Variants in ITGB3BP observed in about 807,000 individuals in gnomAD.
ITGB3BP encodes centromere protein R.
In ITGB3BP, 27 loss-of-function variants were observed where a neutral mutation model predicts 29.1. The observed-to-expected ratio is 0.93, with a 90% CI of 0.68 to 1.28. ITGB3BP has a LOEUF of 1.28. Ranked by LOEUF, ITGB3BP falls within the 50% of genes most tolerant of loss-of-function variation. The pLI, the probability that ITGB3BP is intolerant of heterozygous loss-of-function variation, is 0.00. For missense variants in ITGB3BP, 192 were observed against 200.2 expected, an observed-to-expected ratio of 0.96 and a Z score of 0.25; for synonymous variants, 61 against 61.4, an observed-to-expected ratio of 0.99 and a Z score of 0.03.
rs2100472424 is a variant in ITGB3BP at position 63,446,855 on chromosome 1, T to C, written c.486A>G (p.Ala162=). 4.4e-6 allele frequency: 7 copies of C among 1,608,744 alleles called. No individual in the cohort carries two copies. Among genetic ancestry groups the C allele is most frequent in the Non-Finnish European group, 6.0e-6 (7 of 1,176,198 alleles). ...FEKSTGLPHK[A]SRHLDSYEFL... ...ATTCATAGCTGTCAAGATGACGTGA[T>C]GCTATATGAAAGAAGAAAGGTTTTT... The change falls in exon 8 of 9, where the codon GCA becomes GCG. Residue 162 remains alanine (A), a splice_region_variant and synonymous_variant. Transcript: ENST00000271002.
At chr1:63,520,516 A>C (rs923830033) in intron 1 of ITGB3BP, among the ~76,000 whole-genome samples, 2 of 152,180 alleles carry the variant, frequency 1.3e-5, no homozygotes, top group African/African-American at 4.8e-5. Context: ...CCTCCAAAGG[A>C]TCAAAGAGAA....
At chr1:63,456,823 C>G (rs777094668) in intron 4 of ITGB3BP, among the ~76,000 whole-genome samples, 1 of 152,086 alleles carries the variant, frequency 6.6e-6, no homozygotes. Flanking sequence ...GTAAATGGTG[C>G]CCCCCAAAGT....
At chr1:63,485,388 C>T (rs1305369203) in intron 3 of ITGB3BP, among the ~76,000 whole-genome samples, 1 of 151,730 alleles carries the variant, frequency 6.6e-6, no homozygotes, top group East Asian at 1.9e-4. Flanking sequence ...TGCCTCCTCA[C>T]CTTCCATGAT....
intron 1 of ITGB3BP, among the ~76,000 whole-genome samples, chr1:63,512,817 T>C (rs986933481): frequency 4.6e-5 from 7 of 152,208 alleles, no homozygotes; most frequent in Non-Finnish European, 1.0e-4. Flanking sequence ...TTTAGAGTAT[T>C]ACTGAGTATG....
intron 2 of ITGB3BP, among the ~76,000 whole-genome samples, chr1:63,500,098 G>C (rs1415295798): frequency 6.6e-6 from 1 of 152,052 alleles, no homozygotes; most frequent in Non-Finnish European, 1.5e-5. Flanking sequence ...TAAGTAGGGC[G>C]GGGGGGCTGT....
intron 3 of ITGB3BP, among the ~76,000 whole-genome samples, chr1:63,479,519 T>C (rs1346687249): frequency 6.6e-6 from 1 of 152,144 alleles, no homozygotes; most frequent in Non-Finnish European, 1.5e-5. Context: ...TTAATTACAG[T>C]CAATTATACA....
At position 63,460,216 on chromosome 1, in the gene ITGB3BP, G is replaced by A. The variant is rs140459950; in HGVS notation, c.255-5248C>T. ...CAGTGACATTAATTACATTCACAAT[G>A]TTGTGCAACCATCACCACTATCTAT... is the stretch of plus-strand genomic sequence containing the variant. On this transcript the variant is annotated intron_variant, in intron 4 of 8. Coordinates refer to ENST00000271002, the MANE Select transcript of ITGB3BP (RefSeq NM_014288.5). Among the ~76,000 whole-genome samples, 588 of 152,244 alleles carry A rather than the reference G, an allele frequency of 3.9e-3. 3 individuals carry two copies. Among genetic ancestry groups the A allele is most frequent in the African/African-American group, 0.013 (526 of 41,550 alleles).
chr1:63,507,404 T>C (rs1646104632), intron 2 of ITGB3BP, among the ~76,000 whole-genome samples: 1 of 152,220 alleles, frequency 6.6e-6, no homozygotes, highest in African/African-American at 2.4e-5. Flanking sequence ...GACAATTTAC[T>C]TCATGAAGAG....
intron 1 of ITGB3BP, chr1:63,510,287 A>G: frequency 2.5e-6 from 1 of 396,344 alleles, no homozygotes; most frequent in Non-Finnish European, 4.5e-6. Flanking sequence ...ATGCAATAGT[A>G]TCTTTTAGAA....
intron 3 of ITGB3BP, among the ~76,000 whole-genome samples, chr1:63,479,421 C>T (rs1019170751): frequency 2.0e-5 from 3 of 152,048 alleles, no homozygotes; most frequent in Non-Finnish European, 4.4e-5. Context: ...GTTAACATAT[C>T]TATTACCTTA....
intron 2 of ITGB3BP, among the ~76,000 whole-genome samples, chr1:63,528,522 A>G (rs575433310): frequency 6.6e-6 from 1 of 152,170 alleles, no homozygotes; most frequent in Non-Finnish European, 1.5e-5. Flanking sequence ...ACAGGGTGAC[A>G]CTAGTAAAAA....
intron 4 of ITGB3BP, among the ~76,000 whole-genome samples, chr1:63,466,728 T>A (rs1453344781): frequency 6.6e-6 from 1 of 152,222 alleles, no homozygotes; most frequent in Non-Finnish European, 1.5e-5. Context: ...CTTCCATAAT[T>A]TGACAAAGCA....
At chr1:63,468,728 G>A (rs2100568614) in intron 4 of ITGB3BP, among the ~76,000 whole-genome samples, 1 of 152,236 alleles carries the variant, frequency 6.6e-6, no homozygotes, top group Non-Finnish European at 1.5e-5. Flanking sequence ...AGGCGTGGTT[G>A]CGCATGCCTG....
intron 4 of ITGB3BP, among the ~76,000 whole-genome samples, chr1:63,455,434 TATC>T (rs779292599): frequency 6.6e-5 from 10 of 152,130 alleles, no homozygotes; most frequent in African/African-American, 9.7e-5. Flanking sequence ...GTAACTTTGT[TATC>T]ATACTTTTTT....
intron 7 of ITGB3BP, 77 bp downstream of exon 7, chr1:63,453,841 A>G (rs984872844): frequency 4.9e-6 from 4 of 814,292 alleles, no homozygotes; most frequent in Non-Finnish European, 6.3e-6. Context: ...ACTAAAAAGG[A>G]TTCATGATGA....
chr1:63,473,487 CCCGCCCGGCCAG>C lies in ITGB3BP; in HGVS notation c.254+5265_254+5276del, dbSNP rs1557624949. ...AGGAGGGAGGTGGGGGGGTCAGCCC[CCCGCCCGGCCAG>C]CCGCCCAGTCCGGGAGGGAGGTGGG... is the stretch of plus-strand genomic sequence containing the variant. On this transcript the variant is annotated intron_variant, in intron 4 of 8. Coordinates refer to ENST00000271002, the MANE Select transcript of ITGB3BP (RefSeq NM_014288.5). 2.1e-5 allele frequency among the ~76,000 whole-genome samples: 3 copies of C among 145,224 alleles called. No homozygotes were observed. The South Asian group carries it at 6.7e-4, about 32-fold the overall frequency.
At chr1:63,469,199 T>G (rs1645152494) in intron 4 of ITGB3BP, among the ~76,000 whole-genome samples, 1 of 152,184 alleles carries the variant, frequency 6.6e-6, no homozygotes. Flanking sequence ...AATATATGCC[T>G]AAGACATGGC....
intron 1 of ITGB3BP, among the ~76,000 whole-genome samples, chr1:63,521,576 A>G (rs1205423596): frequency 3.3e-5 from 5 of 152,194 alleles, no homozygotes; most frequent in Non-Finnish European, 5.9e-5. Flanking sequence ...TAACTCCTAT[A>G]GTCCCAGCAC....
chr1:63,491,360 T>C (rs974348410), intron 2 of ITGB3BP, among the ~76,000 whole-genome samples: 1 of 152,156 alleles, frequency 6.6e-6, no homozygotes, highest in Non-Finnish European at 1.5e-5. Context: ...TAAATTAGTA[T>C]GCATGCTACG....
Sources: allele counts gnomAD v4.1 joint callset (sites outside exome capture counted in the v4.1 genomes callset), GRCh38; gene constraint gnomAD v4.1.1; transcripts MANE v1.5; gene names NCBI Gene and HGNC (gene_info 2026-07-23, HGNC 2026-07-21).